The following ESRRG variants were observed in gnomAD, a reference collection of about 807,000 sequenced individuals.
The protein encoded by ESRRG is estrogen related receptor gamma.
ESRRG carries 13 observed loss-of-function variants against 44.0 expected under a neutral mutation model. That is an observed-to-expected ratio of 0.30 (90% CI 0.19 to 0.47). ESRRG has a LOEUF of 0.47. Ranked by LOEUF, ESRRG falls within the 20% of genes least tolerant of loss-of-function variation. The pLI is 1.00. For missense variants in ESRRG, 395 were observed against 580.6 expected (o/e 0.68, Z 3.29); for synonymous variants, 215 against 214.6 (o/e 1.00, Z -0.02).
chr1:216,668,785 G>T (rs1463372963), intron 2 of ESRRG, among the ~76,000 whole-genome samples: 2 of 152,000 alleles, frequency 1.3e-5, no homozygotes, highest in Non-Finnish European at 2.9e-5. Context: ...GTTCAAACAG[G>T]CTTGAAATAT....
chr1:216,979,496 T>A (rs1186058365), intron 1 of ESRRG, among the ~76,000 whole-genome samples: 2 of 152,080 alleles, frequency 1.3e-5, no homozygotes, highest in Non-Finnish European at 2.9e-5. Context: ...GATTCTTAGA[T>A]TCTTGGGTCT....
At chr1:216,757,371 C>T (rs1337323191) in intron 2 of ESRRG, among the ~76,000 whole-genome samples, 1 of 151,966 alleles carries the variant, frequency 6.6e-6, no homozygotes, top group Non-Finnish European at 1.5e-5. Flanking sequence ...GTGAAAAAGC[C>T]CATGTTTCAA....
intron 2 of ESRRG, among the ~76,000 whole-genome samples, chr1:216,909,731 A>G (rs2060097268): frequency 1.3e-5 from 2 of 152,174 alleles, no homozygotes; most frequent in South Asian, 2.1e-4. Flanking sequence ...CACAAAGCTT[A>G]TACTAGGCAC....
At chr1:216,572,556 G>T (rs1187125511) in intron 3 of ESRRG, among the ~76,000 whole-genome samples, 1 of 151,680 alleles carries the variant, frequency 6.6e-6, no homozygotes, top group East Asian at 1.9e-4. Context: ...TATTTTTAAT[G>T]TTTTTTCCAG....
chr1:216,511,535 A>G (rs1352047467), intron 6 of ESRRG, among the ~76,000 whole-genome samples: 1 of 131,270 alleles, frequency 7.6e-6, no homozygotes, highest in Non-Finnish European at 1.6e-5. Context: ...TATTCCCAAA[A>G]TATACATAAA....
intron 2 of ESRRG, among the ~76,000 whole-genome samples, chr1:216,934,188 C>G (rs891035755): frequency 1.3e-5 from 2 of 152,168 alleles, no homozygotes; most frequent in African/African-American, 4.8e-5. Flanking sequence ...AATTCCAGCA[C>G]TTTAGGAGGC....
intron 1 of ESRRG, chr1:216,714,507 C>G (rs970537362): frequency 3.9e-6 from 3 of 770,516 alleles, no homozygotes; most frequent in Non-Finnish European, 4.7e-6. Context: ...ACAATATCAC[C>G]GAACTTACCC....
intron 1 of ESRRG, among the ~76,000 whole-genome samples, chr1:217,104,248 C>T (rs546668545): frequency 5.9e-5 from 9 of 152,270 alleles, no homozygotes; most frequent in African/African-American, 1.9e-4. Context: ...GTGGACAGCA[C>T]CTTGAGCTAC....
chr1:216,795,342 CTTTT>C (rs35142972), intron 2 of ESRRG, among the ~76,000 whole-genome samples: 1 of 105,434 alleles, frequency 9.5e-6, no homozygotes, highest in Non-Finnish European at 1.8e-5. Context: ...TTTTCTTTTT[CTTTT>C]TTTTTTTTTT....
intron 1 of ESRRG, among the ~76,000 whole-genome samples, chr1:217,079,163 G>C (rs2151502696): frequency 6.6e-6 from 1 of 152,316 alleles, no homozygotes; most frequent in South Asian, 2.1e-4. Context: ...AGAGACAGAA[G>C]GTAAGGGCGG....
intron 2 of ESRRG, among the ~76,000 whole-genome samples, chr1:216,672,858 C>A (rs527472057): frequency 1.3e-5 from 2 of 149,466 alleles, no homozygotes; most frequent in East Asian, 3.9e-4. Context: ...CACAGTGAGA[C>A]CCTGTCTCAA....
chr1:216,656,028 A>G (rs768356312), intron 2 of ESRRG, among the ~76,000 whole-genome samples: 1 of 152,186 alleles, frequency 6.6e-6, no homozygotes, highest in Non-Finnish European at 1.5e-5. Context: ...CCAGTAGACC[A>G]TATGATCTCT....
chr1:216,568,269 A>AGGT (rs1558544306), intron 3 of ESRRG, among the ~76,000 whole-genome samples, 171 bp from the exon 4 acceptor site: 1 of 152,258 alleles, frequency 6.6e-6, no homozygotes, highest in Non-Finnish European at 1.5e-5. Context: ...AACTTGCCAG[A>AGGT]GGTTGAAAAC....
chr1:216,705,759 C>T (rs895967753), intron 1 of ESRRG, among the ~76,000 whole-genome samples: 1 of 152,172 alleles, frequency 6.6e-6, no homozygotes, highest in African/African-American at 2.4e-5. Context: ...ATACTAGCTA[C>T]CTAAATAATT....
In ESRRG at chr1:217,010,100, C is replaced by T. The variant is rs538755862; in HGVS notation, c.-105-70427G>A. ...ACTTTTTTATTGATGGAGTACAATA[C>T]GAAGAGATTTCACTGTAGGGGGAAA... On this transcript the variant is annotated intron_variant, in intron 1 of 7. Transcript: ENST00000359162. Among the ~76,000 whole-genome samples the T allele has an allele frequency of 1.7e-4, 26 of 152,148 alleles. No homozygotes were observed. The East Asian group carries it at 3.9e-3, about 23-fold the overall frequency.
intron 1 of ESRRG, among the ~76,000 whole-genome samples, chr1:216,694,046 C>A (rs2079603802): frequency 6.6e-6 from 1 of 152,094 alleles, no homozygotes; most frequent in Non-Finnish European, 1.5e-5. Flanking sequence ...CAAAAACCTG[C>A]TGTGTGAAGT....
rs1047078154 is a variant in ESRRG, at chr1:216,590,429, G to T, written c.590-22331C>A. On this transcript the variant is annotated intron_variant, in intron 3 of 6. Coordinates refer to ENST00000408911, the MANE Select transcript of ESRRG (RefSeq NM_001438.4). ...AACCATACAATCAACACTGATTTAT[G>T]TAATGATGTCACATATGTTAAGAAC... 8.5e-5 allele frequency among the ~76,000 whole-genome samples: 13 copies of T among 152,140 alleles called. 1 individual carries two copies. The highest frequency in any genetic ancestry group is 1.9e-4 in the Non-Finnish European group (13 of 68,024).
chr1:216,533,301 C>T (rs1388268566), intron 5 of ESRRG, among the ~76,000 whole-genome samples: 1 of 151,692 alleles, frequency 6.6e-6, no homozygotes, highest in Admixed American at 6.6e-5. Context: ...TTAGATGTGA[C>T]ATGCTGCATT....
intron 2 of ESRRG, among the ~76,000 whole-genome samples, chr1:216,769,125 A>G (rs1303643244): frequency 6.6e-6 from 1 of 152,160 alleles, no homozygotes; most frequent in African/African-American, 2.4e-5. Context: ...CCAGCTTAGG[A>G]TTACTTCAGG....
Sources: gnomAD v4.1 joint callset for allele counts (sites outside exome capture counted in the v4.1 genomes callset) on GRCh38, gnomAD v4.1.1 for gene constraint, MANE v1.5 for transcripts, NCBI Gene and HGNC (gene_info 2026-07-23, HGNC 2026-07-21) for gene names.